PRICKLE1: variants seen among roughly 807,000 people sequenced by gnomAD.
The protein encoded by PRICKLE1 is prickle-like protein 1.
A neutral mutation model predicts 70.2 loss-of-function variants in PRICKLE1; 14 were observed. The ratio of observed to expected loss-of-function variants is 0.20; its 90% confidence interval spans 0.13 to 0.31. The LOEUF is 0.31. Ranked by LOEUF, PRICKLE1 falls within the 10% of genes least tolerant of loss-of-function variation. The probability of loss-of-function intolerance (pLI) is 1.00; values close to 1 mark genes in which losing one functional copy is unlikely to be tolerated. For synonymous variants in PRICKLE1, 357 were observed against 379.9 expected (o/e 0.94, Z 0.70); for missense variants, 821 against 1,026.2 (o/e 0.80, Z 2.73).
chr12:42,560,584 A>G (rs1429021326), intron 1 of PRICKLE1, among the ~76,000 whole-genome samples: 1 of 152,120 alleles, frequency 6.6e-6, no homozygotes, highest in Non-Finnish European at 1.5e-5. Flanking sequence ...TATTATTTCT[A>G]TATTTTATTC....
chr12:42,488,342 A>G (rs556992934), intron 1 of PRICKLE1, among the ~76,000 whole-genome samples: 1 of 152,328 alleles, frequency 6.6e-6, no homozygotes, highest in South Asian at 2.1e-4. Flanking sequence ...AGAATATAGG[A>G]CCAGGTCCGT....
At chr12:42,529,050 A>G (rs1939862911) in intron 1 of PRICKLE1, among the ~76,000 whole-genome samples, 1 of 152,134 alleles carries the variant, frequency 6.6e-6, no homozygotes, top group Admixed American at 6.6e-5. Flanking sequence ...TTATGAATGG[A>G]TGTATCAGAC....
At chr12:42,560,766 TCTCACACACACA>T (rs1255252605) in intron 1 of PRICKLE1, among the ~76,000 whole-genome samples, 28 of 119,372 alleles carry the variant, frequency 2.3e-4, no homozygotes, top group Middle Eastern at 4.2e-3. Context: ...AAGCCCATCT[TCTCACACACACA>T]CACACACACA....
chr12:42,465,916 C>A, intron 6 of PRICKLE1: 1 of 510,118 alleles, frequency 2.0e-6, no homozygotes, highest in Non-Finnish European at 3.5e-6. Flanking sequence ...CAGAGGCTCA[C>A]AGGAACCTAA....
rs1475367380 is a variant in PRICKLE1 at position 42,458,185 on chromosome 12, C to G, written c.*1624G>C. On this transcript the variant is annotated 3_prime_UTR_variant, in exon 8 of 8. Transcript: ENST00000345127. Reference sequence around the variant, plus strand: ...CTCCAGTCTATATGGAAAAAATAAGCCTCTGTGTCTGAAGCCCTATTTCTG... The same window carrying G: ...CTCCAGTCTATATGGAAAAAATAAGGCTCTGTGTCTGAAGCCCTATTTCTG... The G allele has an allele frequency of 2.0e-5, 3 of 152,170 alleles. No individual in the cohort carries two copies. The East Asian group carries it at 5.8e-4, about 29-fold the overall frequency. The allele number at this position is 152,170 out of a possible 1,614,324, so 9.4% of individuals were successfully genotyped here.
At chr12:42,526,538 G>T (rs1045432642) in intron 1 of PRICKLE1, among the ~76,000 whole-genome samples, 3 of 152,090 alleles carry the variant, frequency 2.0e-5, no homozygotes, top group African/African-American at 7.2e-5. Flanking sequence ...TTTCTGCCTT[G>T]AGAGTGGTGA....
At chr12:42,465,339 A>G in intron 6 of PRICKLE1, 81 bp from the exon 7 acceptor site, 1 of 1,408,402 alleles carries the variant, frequency 7.1e-7, no homozygotes, top group Non-Finnish European at 1.0e-6. Flanking sequence ...GAAGAAAATA[A>G]ATAAAGATTA....
chr12:42,564,269 A>AAAAAAAAAAAAAAAAAAAAAAAAAAAG (rs71084673), intron 1 of PRICKLE1, among the ~76,000 whole-genome samples: 1 of 124,994 alleles, frequency 8.0e-6, no homozygotes, highest in Non-Finnish European at 1.6e-5. Context: ...AAAAAAAAAA[A>AAAAAAAAAAAAAAAAAAAAAAAAAAAG]AAAGAAAAGA....
intron 1 of PRICKLE1, among the ~76,000 whole-genome samples, chr12:42,573,416 G>A (rs543394334): frequency 2.0e-5 from 3 of 152,036 alleles, no homozygotes; most frequent in South Asian, 4.2e-4. Flanking sequence ...ACTGCAATTC[G>A]GATTATACCA....
rs1406938436 is a variant in PRICKLE1, at chr12:42,559,621, TATA to T, written c.-49+29841_-49+29843del. 4.0e-3 allele frequency among the ~76,000 whole-genome samples: 222 copies of T among 54,898 alleles called. 2 individuals are homozygous for T. Among genetic ancestry groups the T allele is most frequent in the African/African-American group, 0.011 (131 of 12,016 alleles). The allele number at this position is 54,898 out of a possible 152,430, so 36.0% of individuals were successfully genotyped here. A position where few individuals can be genotyped will look rare whatever the true frequency, so the allele number is the denominator to read the frequency against. ...GTGTGTGTGTGTATATATATATATA[TATA>T]TTTTTTTTTTTTGGGGGGGGTAGAG... On this transcript the variant is annotated intron_variant, in intron 1 of 7. Coordinates refer to ENST00000345127, the MANE Select transcript of PRICKLE1 (RefSeq NM_153026.3).
intron 1 of PRICKLE1, among the ~76,000 whole-genome samples, chr12:42,545,424 G>GT (rs1940190670): frequency 6.6e-6 from 1 of 152,218 alleles, no homozygotes; most frequent in Non-Finnish European, 1.5e-5. Flanking sequence ...GCATTCTGCA[G>GT]TTTCTCATTG....
chr12:42,521,503 C>T (rs1338169522), intron 1 of PRICKLE1, among the ~76,000 whole-genome samples: 1 of 152,076 alleles, frequency 6.6e-6, no homozygotes, highest in East Asian at 1.9e-4. Flanking sequence ...AGTTTCAGAC[C>T]AGCCTGGGCA....
intron 1 of PRICKLE1, among the ~76,000 whole-genome samples, chr12:42,535,330 C>T (rs907750682): frequency 2.0e-5 from 3 of 152,150 alleles, no homozygotes; most frequent in Non-Finnish European, 4.4e-5. Context: ...CACGCTAGCA[C>T]AAGATTTAGT....
At chr12:42,550,940 T>G (rs560983526) in intron 1 of PRICKLE1, among the ~76,000 whole-genome samples, 1 of 152,316 alleles carries the variant, frequency 6.6e-6, no homozygotes, top group Non-Finnish European at 1.5e-5. Context: ...TTTGGTTAAT[T>G]GCAATCATTT....
chr12:42,576,974 T>C (rs891762368), intron 1 of PRICKLE1, among the ~76,000 whole-genome samples: 16 of 152,160 alleles, frequency 1.1e-4, no homozygotes, highest in African/African-American at 3.4e-4. Context: ...TCTGGGGAGT[T>C]TGGAAGATAA....
chr12:42,486,025 C>A (rs1938985116), intron 1 of PRICKLE1, among the ~76,000 whole-genome samples: 2 of 152,240 alleles, frequency 1.3e-5, no homozygotes, highest in African/African-American at 4.8e-5. Context: ...GAGAGCAAGG[C>A]CCCCAACCAG....
chr12:42,526,154 T>C (rs1410508695), intron 1 of PRICKLE1, among the ~76,000 whole-genome samples: 2 of 152,230 alleles, frequency 1.3e-5, no homozygotes, highest in African/African-American at 4.8e-5. Context: ...GTAGAATGTG[T>C]AGGCAAAAAC....
chr12:42,479,954 T>TA lies in PRICKLE1; in HGVS notation c.-48-7391dup, dbSNP rs201559277. Among the ~76,000 whole-genome samples, 302 of 144,400 alleles carry TA rather than the reference T, an allele frequency of 2.1e-3. 1 individual carries two copies. The highest frequency in any genetic ancestry group is 0.011 in the East Asian group (57 of 4,998). The allele number at this position is 144,400 out of a possible 152,430, so 94.7% of individuals were successfully genotyped here. A position where few individuals can be genotyped will look rare whatever the true frequency, so the allele number is the denominator to read the frequency against. ...GGGCAACAAGAGCGAAACTCCATCT[T>TA]AAAAAAAAAAAAAATTCCATTATTC... On this transcript the variant is annotated intron_variant, in intron 1 of 7. Coordinates refer to ENST00000345127, the MANE Select transcript of PRICKLE1 (RefSeq NM_153026.3).
intron 1 of PRICKLE1, among the ~76,000 whole-genome samples, chr12:42,495,755 A>ATTT (rs200834361): frequency 4.7e-5 from 7 of 149,138 alleles, no homozygotes; most frequent in African/African-American, 1.5e-4. Flanking sequence ...CGCCCTGCTA[A>ATTT]TTTTTTTTTT....
Sources: gnomAD v4.1 joint callset for allele counts (sites outside exome capture counted in the v4.1 genomes callset) on GRCh38, gnomAD v4.1.1 for gene constraint, MANE v1.5 for transcripts, NCBI Gene and HGNC (gene_info 2026-07-23, HGNC 2026-07-21) for gene names.